Variants in ITGA9 observed in about 807,000 individuals in gnomAD.
ITGA9 encodes integrin alpha-9.
ITGA9 carries 56 observed loss-of-function variants against 127.8 expected under a neutral mutation model. That is an observed-to-expected ratio of 0.44 (90% CI 0.35 to 0.55). The LOEUF is 0.55. ITGA9 is among the 20% of genes least tolerant of loss of function. The pLI is 0.00. For missense variants in ITGA9, 1,196 were observed against 1,347.1 expected (o/e 0.89, Z 1.76); for synonymous variants, 508 against 514.5 (o/e 0.99, Z 0.17).
intron 24 of ITGA9, 103 bp downstream of exon 24, chr3:37,777,620 A>T (rs1012788589): frequency 2.2e-6 from 3 of 1,356,682 alleles, no homozygotes; most frequent in Non-Finnish European, 3.1e-6. Flanking sequence ...GTTTTAATCA[A>T]TTTGACTTAC....
chr3:37,787,778 G>A (rs919084702), intron 26 of ITGA9, among the ~76,000 whole-genome samples: 9 of 152,166 alleles, frequency 5.9e-5, no homozygotes, highest in Non-Finnish European at 8.8e-5. Flanking sequence ...ATTTAAATTA[G>A]GCAAAGTTTC....
chr3:37,490,969 C>T (rs9875957), intron 4 of ITGA9, among the ~76,000 whole-genome samples: 1,980 of 134,526 alleles, frequency 0.015, 98 homozygotes, highest in African/African-American at 0.053. Flanking sequence ...TTTGGCTTCC[C>T]CCCCGCTTTT....
chr3:37,729,355 T>C (rs1696258198), intron 18 of ITGA9, among the ~76,000 whole-genome samples: 1 of 152,146 alleles, frequency 6.6e-6, no homozygotes, highest in Non-Finnish European at 1.5e-5. Flanking sequence ...TCATGAACCA[T>C]AAGCTCAGCT....
chr3:37,485,930 A>C (rs1217391995), intron 4 of ITGA9, among the ~76,000 whole-genome samples: 1 of 152,236 alleles, frequency 6.6e-6, no homozygotes, highest in Non-Finnish European at 1.5e-5. Flanking sequence ...TGGTTTTATC[A>C]GAATGTGTGA....
chr3:37,472,698 G>A (rs1246180757), intron 2 of ITGA9, among the ~76,000 whole-genome samples: 4 of 152,070 alleles, frequency 2.6e-5, no homozygotes, highest in African/African-American at 9.7e-5. Flanking sequence ...GCCTGGCCAA[G>A]ATCTTCTAAT....
intron 15 of ITGA9, among the ~76,000 whole-genome samples, chr3:37,587,785 A>G (rs2125613365): frequency 6.6e-6 from 1 of 152,396 alleles, no homozygotes; most frequent in African/African-American, 2.4e-5. Context: ...ATGAGAGAAC[A>G]GAAGCTAATT....
chr3:37,612,357 A>G (rs751105918), intron 15 of ITGA9, among the ~76,000 whole-genome samples: 31 of 152,250 alleles, frequency 2.0e-4, no homozygotes, highest in Admixed American at 3.3e-4. Context: ...ACTTTATGAT[A>G]TAATAATATA....
chr3:37,563,502 T>C, intron 15 of ITGA9, among the ~76,000 whole-genome samples: 1 of 152,208 alleles, frequency 6.6e-6, no homozygotes, highest in Admixed American at 6.5e-5. Flanking sequence ...TGTCCGTGGG[T>C]GGATAATCCC....
At chr3:37,713,656 C>A (rs1701102557) in intron 18 of ITGA9, among the ~76,000 whole-genome samples, 5 of 152,220 alleles carry the variant, frequency 3.3e-5, no homozygotes. Context: ...AAATCTGAAC[C>A]TGCTGCCAAA....
At chr3:37,546,467 A>G (rs1365420554) in intron 15 of ITGA9, among the ~76,000 whole-genome samples, 1 of 152,226 alleles carries the variant, frequency 6.6e-6, no homozygotes, top group Admixed American at 6.5e-5. Flanking sequence ...AGCCCTGGCC[A>G]TGCTCTGCTT....
intron 15 of ITGA9, among the ~76,000 whole-genome samples, chr3:37,569,705 CT>C (rs1699582178): frequency 6.6e-6 from 1 of 152,200 alleles, no homozygotes; most frequent in African/African-American, 2.4e-5. Flanking sequence ...AGTGGAAATT[CT>C]ACACCTTACC....
intron 17 of ITGA9, among the ~76,000 whole-genome samples, chr3:37,677,589 A>G (rs1325395821): frequency 6.6e-6 from 1 of 152,262 alleles, no homozygotes; most frequent in Non-Finnish European, 1.5e-5. Context: ...TATGTTTCAT[A>G]TACATTGATA....
At position 37,629,640 on chromosome 3, in the gene ITGA9, A is replaced by G. The variant is rs1700210984; in HGVS notation, c.1839+304A>G. The G allele has an allele frequency of 1.7e-6, 1 of 594,708 alleles. No homozygotes were observed. Among genetic ancestry groups the G allele is most frequent in the African/African-American group, 1.9e-5 (1 of 53,740 alleles). 36.8% of individuals were successfully genotyped at this position (594,708 alleles called of 1,614,324 possible). On this transcript the variant is annotated intron_variant, in intron 16 of 27. Coordinates refer to ENST00000264741, the MANE Select transcript of ITGA9 (RefSeq NM_002207.3). This position sits in a 1 kb window ranked among gnomAD's most constrained non-coding sequence, Gnocchi z 4.5. The stretch of plus-strand genomic sequence containing the variant: ...TCCCTGAACTTGCCTCTGTTCCTAG[A>G]CTGTTTTCAGAGCTTAGATTGGTGG...
At chr3:37,790,149 A>C in intron 26 of ITGA9, 1 of 566,222 alleles carries the variant, frequency 1.8e-6, no homozygotes, top group Non-Finnish European at 3.4e-6. Flanking sequence ...TATCAAAGTG[A>C]TGACCTTTCA....
intron 15 of ITGA9, among the ~76,000 whole-genome samples, chr3:37,600,612 G>A (rs1699913932): frequency 6.6e-6 from 1 of 152,164 alleles, no homozygotes; most frequent in Admixed American, 6.5e-5. Context: ...ATATGACACT[G>A]TCACCTCCAT....
At chr3:37,483,425 T>G (rs1698577023) in intron 4 of ITGA9, among the ~76,000 whole-genome samples, 1 of 152,218 alleles carries the variant, frequency 6.6e-6, no homozygotes, top group Non-Finnish European at 1.5e-5. Context: ...GTTTGTTTCT[T>G]TTTTTTCTTG....
chr3:37,519,339 C>T lies in ITGA9; in HGVS notation c.1221C>T (p.Val407=), dbSNP rs1482617628. 6.2e-7 allele frequency: 1 copy of T among 1,613,432 alleles called. No homozygotes were observed. The change falls in exon 11 of 28, where the codon GTC becomes GTT. Residue 407 remains valine, a synonymous_variant. Coordinates refer to ENST00000264741, the MANE Select transcript of ITGA9 (RefSeq NM_002207.3). ...ATCATGGTGATGCCGGTGGGATAGT[C>T]CCTCAGTACTCAATGGTAATTAGTG... ...YIYHGDAGGI[V]PQYSMKLSGQ... is the part of the protein sequence containing the mutation.
At chr3:37,469,520 T>C (rs1008164844) in intron 1 of ITGA9, among the ~76,000 whole-genome samples, 1 of 152,208 alleles carries the variant, frequency 6.6e-6, no homozygotes, top group Non-Finnish European at 1.5e-5. Context: ...ATTTGTATAA[T>C]GTCACTGAGG....
intron 15 of ITGA9, among the ~76,000 whole-genome samples, chr3:37,585,198 C>T (rs570874080): frequency 6.6e-6 from 1 of 152,250 alleles, no homozygotes; most frequent in East Asian, 1.9e-4. Flanking sequence ...GTAAATAGTC[C>T]CTTCAGTGAA....
Sources: gnomAD v4.1 joint callset for allele counts (sites outside exome capture counted in the v4.1 genomes callset) on GRCh38, gnomAD v4.1.1 for gene constraint, Gnocchi (gnomAD v3.1) non-coding constraint, MANE v1.5 for transcripts, NCBI Gene and HGNC (gene_info 2026-07-23, HGNC 2026-07-21) for gene names.